PTPRD: variants seen among roughly 807,000 people sequenced by gnomAD.
PTPRD encodes receptor-type tyrosine-protein phosphatase delta.
In PTPRD, 34 loss-of-function variants were observed where a neutral mutation model predicts 214.5. The ratio of observed to expected loss-of-function variants is 0.16; its 90% CI spans 0.12 to 0.21. The LOEUF (loss-of-function observed/expected upper bound fraction) is 0.21, where lower values mean the gene tolerates loss of function less well. PTPRD is among the 10% of genes least tolerant of loss of function. The pLI, the probability that PTPRD is intolerant of heterozygous loss-of-function variation, is 1.00. For missense variants in PTPRD, 2,545 were observed against 2,398.7 expected (o/e 1.06, Z -1.27); for synonymous variants, 1,128 against 845.7 (o/e 1.33, Z -5.79).
At chr9:9,152,540 A>C (rs2099877685) in intron 10 of PTPRD, among the ~76,000 whole-genome samples, 1 of 151,808 alleles carries the variant, frequency 6.6e-6, no homozygotes, top group African/African-American at 2.4e-5. Context: ...AATATGTAAG[A>C]AAGAATTCAG....
At chr9:10,069,095 C>T (rs1318219423) in intron 3 of PTPRD, among the ~76,000 whole-genome samples, 1 of 151,832 alleles carries the variant, frequency 6.6e-6, no homozygotes, top group African/African-American at 2.4e-5. Context: ...TTGTGTCAAC[C>T]CATGGTTTCT....
At chr9:10,202,726 A>T (rs1212436753) in intron 3 of PTPRD, among the ~76,000 whole-genome samples, 1 of 143,776 alleles carries the variant, frequency 7.0e-6, no homozygotes, top group Non-Finnish European at 1.5e-5. Context: ...AATATGTGTT[A>T]ATTATATGTC....
intron 4 of PTPRD, among the ~76,000 whole-genome samples, chr9:9,981,521 A>AT (rs71321208): frequency 1.3e-5 from 2 of 150,202 alleles, no homozygotes; most frequent in African/African-American, 2.5e-5. Context: ...TGCCTGGCTA[A>AT]TTTTTTTTTG....
intron 12 of PTPRD, among the ~76,000 whole-genome samples, chr9:8,729,502 A>C (rs1020297093): frequency 6.6e-5 from 10 of 152,194 alleles, no homozygotes; most frequent in African/African-American, 1.9e-4. Flanking sequence ...CTGTTTGCTA[A>C]ATCTTGTTGA....
At chr9:8,663,737 C>T (rs998910735) in intron 12 of PTPRD, among the ~76,000 whole-genome samples, 9 of 151,990 alleles carry the variant, frequency 5.9e-5, no homozygotes, top group East Asian at 1.9e-4. Context: ...ATGATCTGCC[C>T]GCCTCGGCCT....
At chr9:10,296,140 T>G (rs1204953150) in intron 3 of PTPRD, among the ~76,000 whole-genome samples, 1 of 152,114 alleles carries the variant, frequency 6.6e-6, no homozygotes, top group Non-Finnish European at 1.5e-5. Context: ...AATCAGCTAA[T>G]TTAATATTAG....
chr9:9,133,327 A>G (rs561132561), intron 10 of PTPRD, among the ~76,000 whole-genome samples: 49 of 152,178 alleles, frequency 3.2e-4, no homozygotes, highest in Non-Finnish European at 6.5e-4. Flanking sequence ...CCTAAAATTT[A>G]TTTTAATAAC....
intron 10 of PTPRD, among the ~76,000 whole-genome samples, chr9:9,084,898 T>G (rs1249392470): frequency 6.6e-6 from 1 of 152,188 alleles, no homozygotes; most frequent in African/African-American, 2.4e-5. Flanking sequence ...CTTAGCCACT[T>G]TCTCATATGT....
chr9:9,056,698 T>G (rs2099696859), intron 10 of PTPRD, among the ~76,000 whole-genome samples: 1 of 152,216 alleles, frequency 6.6e-6, no homozygotes, highest in African/African-American at 2.4e-5. Context: ...TATAAGCCAT[T>G]CAACGACACT....
intron 8 of PTPRD, among the ~76,000 whole-genome samples, chr9:9,500,369 G>T (rs1483657830): frequency 6.6e-6 from 1 of 152,060 alleles, no homozygotes; most frequent in African/African-American, 2.4e-5. Context: ...ATAACAAAAT[G>T]AATTAGGTTC....
chr9:8,929,695 A>ATATATATGTGTATATATATATGTGTT (rs1567059541), intron 11 of PTPRD, among the ~76,000 whole-genome samples: 1 of 109,232 alleles, frequency 9.2e-6, no homozygotes, highest in African/African-American at 3.0e-5. Context: ...ATATGTGTAT[A>ATATATATGTGTATATATATATGTGTT]TATATATGTG....
chr9:8,439,601 TG>T (rs1391003214), intron 34 of PTPRD, among the ~76,000 whole-genome samples: 10 of 152,226 alleles, frequency 6.6e-5, no homozygotes, highest in African/African-American at 2.4e-4. Flanking sequence ...AAAGACCGAA[TG>T]TCGGCATAAA....
intron 14 of PTPRD, among the ~76,000 whole-genome samples, chr9:8,543,606 G>C (rs747738191): frequency 9.9e-5 from 15 of 152,198 alleles, no homozygotes; most frequent in South Asian, 2.1e-4. Context: ...GACAGGTTTT[G>C]TGAGCAAATT....
chr9:10,008,648 T>G (rs374792817), intron 4 of PTPRD, among the ~76,000 whole-genome samples: 2 of 151,868 alleles, frequency 1.3e-5, no homozygotes, highest in African/African-American at 2.4e-5. Context: ...CTTCCTTATT[T>G]CAAGTGTCTG....
intron 7 of PTPRD, among the ~76,000 whole-genome samples, chr9:9,608,065 AG>A (rs2094291687): frequency 6.6e-6 from 1 of 152,176 alleles, no homozygotes; most frequent in Non-Finnish European, 1.5e-5. Flanking sequence ...AAACTCAAAG[AG>A]GTTAAGATCA....
chr9:10,540,787 AAGTGGTGTGTAG>A (rs1195333641), intron 2 of PTPRD, among the ~76,000 whole-genome samples: 1 of 152,180 alleles, frequency 6.6e-6, no homozygotes, highest in African/African-American at 2.4e-5. Flanking sequence ...AAGTAACATG[AAGTGGTGTGTAG>A]ACTCAGACTA....
intron 12 of PTPRD, among the ~76,000 whole-genome samples, chr9:8,678,656 C>T (rs1257895034): frequency 6.6e-6 from 1 of 152,204 alleles, no homozygotes; most frequent in Non-Finnish European, 1.5e-5. Flanking sequence ...GGATAATTAT[C>T]AACTCCAATT....
At chr9:9,697,669 T>C (rs1156589098) in intron 7 of PTPRD, among the ~76,000 whole-genome samples, 1 of 152,148 alleles carries the variant, frequency 6.6e-6, no homozygotes, top group Non-Finnish European at 1.5e-5. Flanking sequence ...GGTAGTTTTA[T>C]CTGGGTGAAA....
intron 11 of PTPRD, among the ~76,000 whole-genome samples, chr9:8,870,933 A>G (rs1420876194): frequency 2.0e-5 from 3 of 152,196 alleles, no homozygotes; most frequent in South Asian, 2.1e-4. Flanking sequence ...TTGGGCATCC[A>G]AAAGGGTAGA....
Sources: gnomAD v4.1 joint callset for allele counts (sites outside exome capture counted in the v4.1 genomes callset) on GRCh38, gnomAD v4.1.1 for gene constraint, MANE v1.5 for transcripts, NCBI Gene and HGNC (gene_info 2026-07-23, HGNC 2026-07-21) for gene names.